C19orf47: variants seen among roughly 807,000 people sequenced by gnomAD.
The protein encoded by C19orf47 is uncharacterized protein C19orf47.
Under a neutral mutation model 32.3 loss-of-function variants are expected in C19orf47, and 18 were observed. The ratio of observed to expected loss-of-function variants is 0.56; its 90% CI spans 0.39 to 0.83. The LOEUF is 0.83. C19orf47 is among the 40% of genes least tolerant of loss of function. The probability of loss-of-function intolerance (pLI) is 0.00; values close to 1 mark genes in which losing one functional copy is unlikely to be tolerated. For missense variants in C19orf47, 484 were observed against 531.6 expected (o/e 0.91, Z 0.88); for synonymous variants, 202 against 211.1 (o/e 0.96, Z 0.37).
chr19:40,341,887 G>C lies in C19orf47; in HGVS notation c.-30C>G. ...TCCCTGGCCCTGACACTGCTCCCTG[G>C]AGCCTGAAAGAGAAGAGAGGAGAGA... On this transcript the variant is annotated 5_prime_UTR_variant, in exon 2 of 9. Transcript: ENST00000683109. 1 of 1,536,206 alleles carries C rather than the reference G, an allele frequency of 6.5e-7. No homozygotes were observed. Among genetic ancestry groups the C allele is most frequent in the Non-Finnish European group, 8.7e-7 (1 of 1,146,906 alleles).
downstream of C19orf47, among the ~76,000 whole-genome samples, chr19:40,315,795 T>A (rs959482022): frequency 1.3e-4 from 19 of 145,740 alleles, no homozygotes; most frequent in African/African-American, 4.3e-4. Flanking sequence ...AAAAAAAAAA[T>A]TTAAATTAAA....
At chr19:40,299,890 G>T in the C19orf47 span, among the ~76,000 whole-genome samples, 1 of 152,024 alleles carries the variant, frequency 6.6e-6, no homozygotes, top group Non-Finnish European at 1.5e-5. Flanking sequence ...TTAGTCAGGC[G>T]TGGTGACGGG....
intron 2 of C19orf47, among the ~76,000 whole-genome samples, chr19:40,341,489 A>G (rs2078176442): frequency 1.3e-5 from 2 of 152,180 alleles, no homozygotes; most frequent in Non-Finnish European, 2.9e-5. Flanking sequence ...GTTTGTTTAG[A>G]ACTATGCCCA....
chr19:40,306,848 G>A, the C19orf47 span, among the ~76,000 whole-genome samples: 3 of 149,672 alleles, frequency 2.0e-5, no homozygotes, highest in African/African-American at 4.9e-5. Context: ...GAGTGCAGTG[G>A]TGCGATCTCG....
the C19orf47 span, among the ~76,000 whole-genome samples, chr19:40,297,087 A>G: frequency 6.6e-6 from 1 of 152,240 alleles, no homozygotes; most frequent in Admixed American, 6.5e-5. Flanking sequence ...TCAAGTTCAC[A>G]TGACTTGGGT....
At chr19:40,313,797 T>C in the C19orf47 span, among the ~76,000 whole-genome samples, 2 of 151,890 alleles carry the variant, frequency 1.3e-5, no homozygotes, top group Non-Finnish European at 2.9e-5. Flanking sequence ...TAAGCTACGA[T>C]TGTGCCTCTG....
the C19orf47 span, among the ~76,000 whole-genome samples, chr19:40,309,520 C>T: frequency 6.6e-6 from 1 of 151,946 alleles, no homozygotes; most frequent in Non-Finnish European, 1.5e-5. Context: ...TTAAACCTTG[C>T]ATAATTCAGG....
At chr19:40,304,301 A>G in the C19orf47 span, among the ~76,000 whole-genome samples, 10 of 152,194 alleles carry the variant, frequency 6.6e-5, no homozygotes. Context: ...AATGGAGGGA[A>G]CCTGGGGAAC....
At chr19:40,301,212 G>T in the C19orf47 span, among the ~76,000 whole-genome samples, 17 of 151,960 alleles carry the variant, frequency 1.1e-4, no homozygotes, top group African/African-American at 4.1e-4. Context: ...AATTACATGG[G>T]ACTGAGCTGA....
intron 1 of C19orf47, among the ~76,000 whole-genome samples, chr19:40,345,141 C>G (rs748047435): frequency 1.3e-5 from 2 of 152,154 alleles, no homozygotes; most frequent in Non-Finnish European, 2.9e-5. Flanking sequence ...TATTCTCCCC[C>G]AAGTGCTACA....
chr19:40,313,719 C>G, the C19orf47 span, among the ~76,000 whole-genome samples: 3 of 152,086 alleles, frequency 2.0e-5, no homozygotes, highest in African/African-American at 7.2e-5. Flanking sequence ...ATGGCTCATG[C>G]CTGTAATTCC....
At chr19:40,307,430 G>A in the C19orf47 span, among the ~76,000 whole-genome samples, 2 of 151,208 alleles carry the variant, frequency 1.3e-5, no homozygotes, top group African/African-American at 4.9e-5. Flanking sequence ...ACAGGGTCTC[G>A]TTCTGTCACC....
At position 40,335,860 on chromosome 19, in the gene C19orf47, C is replaced by T. The variant is rs544560282; in HGVS notation, c.222+250G>A. Among the ~76,000 whole-genome samples the T allele has an allele frequency of 7.9e-5, 12 of 152,316 alleles. No individual in the cohort carries two copies. In the East Asian group the frequency reaches 1.4e-3, roughly 17 times the overall value. ...TCCTGACTTCGTGATCCGACCACCT[C>T]GGCCTCCCAAAGTGCTGAGATTACA... On this transcript the variant is annotated intron_variant, in intron 4 of 8. Transcript: ENST00000683109.
Position 40,322,235 on chromosome 19 carries a change from T to G in C19orf47, c.805A>C (p.Ser269Arg). The G allele has an allele frequency of 6.2e-7, 1 of 1,609,246 alleles. No individual in the cohort carries two copies. Among genetic ancestry groups the G allele is most frequent in the East Asian group, 2.2e-5 (1 of 44,890 alleles). ...KKLGRGPAKA[S>R]PQPALTVKAK... is the part of the protein sequence containing the mutation. The stretch of plus-strand genomic sequence containing the variant: ...TTGACAGTCAGTGCTGGCTGGGGAC[T>G]GGCCTTGGCTGGGCCCCGTCCTAGC... Residue 269 changes from serine to arginine, a missense_variant, in exon 9 of 9, where the codon AGT (serine) becomes CGT (arginine). Physicochemically the swap from Ser to Arg is moderately radical, Grantham distance 110. This residue lies in a region of C19orf47 where 376 missense variants were observed against 370.2 expected (regional missense o/e 1.02). Transcript: ENST00000683109.
chr19:40,326,304 C>CA, intron 7 of C19orf47, 30 bp downstream of exon 7: 1 of 1,612,814 alleles, frequency 6.2e-7, no homozygotes, highest in South Asian at 1.1e-5. Context: ...ATGGACCCCG[C>CA]AGGGAAGCAT....
At chr19:40,343,435 G>A (rs1048821605) in intron 1 of C19orf47, 1 of 152,204 alleles carries the variant, frequency 6.6e-6, no homozygotes, top group Non-Finnish European at 1.5e-5. Context: ...AGGCCGCGGT[G>A]TCACCATTTG....
At chr19:40,299,136 A>G in the C19orf47 span, among the ~76,000 whole-genome samples, 5 of 152,212 alleles carry the variant, frequency 3.3e-5, no homozygotes, top group East Asian at 9.6e-4. Context: ...CTTTCATGTT[A>G]TCTTTTATCA....
intron 5 of C19orf47, among the ~76,000 whole-genome samples, chr19:40,330,324 GT>G (rs202037542): frequency 0.023 from 3,532 of 151,764 alleles, 58 homozygotes; most frequent in Non-Finnish European, 0.036. Context: ...TGCCTCCCAG[GT>G]TCACACCATT....
intron 4 of C19orf47, among the ~76,000 whole-genome samples, chr19:40,335,799 C>G (rs1389730561): frequency 6.6e-6 from 1 of 152,058 alleles, no homozygotes; most frequent in African/African-American, 2.4e-5. Flanking sequence ...TTAGTACAGA[C>G]GGGGTTTCAC....
Sources: allele counts gnomAD v4.1 joint callset (sites outside exome capture counted in the v4.1 genomes callset), GRCh38; gene constraint gnomAD v4.1.1; regional missense constraint gnomAD v4.1.1; transcripts MANE v1.5; gene names NCBI Gene and HGNC (gene_info 2026-07-23, HGNC 2026-07-21).